Variants in DNASE1L1 observed in about 807,000 individuals in gnomAD.
The protein encoded by DNASE1L1 is deoxyribonuclease-1-like 1.
In DNASE1L1, 8 loss-of-function variants were observed where a neutral mutation model predicts 18.6. That is an observed-to-expected ratio of 0.43 (90% CI 0.25 to 0.78). The LOEUF is 0.78. Ranked by LOEUF, DNASE1L1 falls within the 30% of genes least tolerant of loss-of-function variation. DNASE1L1 has a pLI of 0.23. For missense variants in DNASE1L1, 214 were observed against 258.2 expected, an observed-to-expected ratio of 0.83 and a Z score of 1.17; for synonymous variants, 114 against 114.2, an observed-to-expected ratio of 1.00 and a Z score of 0.01.
rs1229733979 is a variant in DNASE1L1, at chrX:154,401,951, A to C, written c.*756T>G. ...GGAGGATGGAAGGGAGGGGTCCGGC[A>C]TGCTGCTGGCATTTTGCTGTGTCCT... On this transcript the variant is annotated 3_prime_UTR_variant, in exon 8 of 8. Transcript: ENST00000369807. The C allele has an allele frequency of 9.0e-6, 1 of 111,612 alleles. No individual in the cohort carries two copies. Among genetic ancestry groups the C allele is most frequent in the Non-Finnish European group, 1.9e-5 (1 of 53,141 alleles). The allele number at this position is 111,612 out of a possible 1,213,427, so 9.2% of individuals were successfully genotyped here.
chrX:154,403,290 G>T lies in DNASE1L1; in HGVS notation c.504C>A (p.Val168=). 8.3e-7 allele frequency: 1 copy of T among 1,211,298 alleles called. No homozygotes were observed. Among genetic ancestry groups the T allele is most frequent in the Non-Finnish European group, 1.1e-6 (1 of 895,094 alleles). ...LNALYDVFLE[V]SQHWQSKDVI... is the part of the protein sequence containing the mutation. The stretch of plus-strand genomic sequence containing the variant: ...CTACCTTGCTCTGCCAGTGCTGGGA[G>T]ACCTCCAGAAACACATCGTAGAGGG... Residue 168 remains valine, a synonymous_variant, in exon 6 of 8, where the codon GTC becomes GTA. Transcript: ENST00000369807.
At chrX:154,405,371 C>T in intron 2 of DNASE1L1, 63 bp downstream of exon 2, 1 of 1,140,619 alleles carries the variant, frequency 8.8e-7, no homozygotes, top group East Asian at 3.1e-5. Context: ...CCTGGTCAGG[C>T]AGGGATGGGG....
chrX:154,410,958 T>C (rs1166859436), upstream of DNASE1L1, among the ~76,000 whole-genome samples: 1 of 112,207 alleles, frequency 8.9e-6, no homozygotes, highest in African/African-American at 3.2e-5. Flanking sequence ...TTCCGGGTCA[T>C]GAATATGTTT....
upstream of DNASE1L1, chrX:154,411,595 C>A (rs1292111690): frequency 1.2e-5 from 5 of 431,718 alleles, no homozygotes; most frequent in Admixed American, 1.5e-4. Context: ...CGTTTCCTCC[C>A]GTTCCGCAGC....
upstream of DNASE1L1, among the ~76,000 whole-genome samples, chrX:154,410,714 CAA>C (rs782211946): frequency 3.6e-5 from 3 of 84,169 alleles, no homozygotes. Flanking sequence ...TACTAAAATA[CAA>C]AAAAAAAAAA....
chrX:154,410,220 G>A (rs901159278), upstream of DNASE1L1, among the ~76,000 whole-genome samples: 1 of 109,251 alleles, frequency 9.2e-6, no homozygotes, highest in Non-Finnish European at 1.9e-5. Flanking sequence ...ACTCCAGCCC[G>A]GGCGACAGTG....
chrX:154,412,061 C>T (rs1270472029), upstream of DNASE1L1: 6 of 1,207,355 alleles, frequency 5.0e-6, no homozygotes, highest in African/African-American at 5.2e-5. Context: ...GAGCCCGGAG[C>T]GCCTGACTTC....
chrX:154,402,040 TTC>T lies in DNASE1L1; in HGVS notation c.*665_*666del, dbSNP rs1246545515. ...TTAGCTTACATAACTGGTGCAGATT[TTC>T]TGTGTGGAGATGTTGCCTTGACCAG... On this transcript the variant is annotated 3_prime_UTR_variant, in exon 8 of 8. Coordinates refer to ENST00000369807, the MANE Select transcript of DNASE1L1 (RefSeq NM_001303620.2). The T allele has an allele frequency of 8.9e-6, 1 of 112,171 alleles. No homozygotes were observed. The highest frequency in any genetic ancestry group is 1.9e-5 in the Non-Finnish European group (1 of 53,230). 9.2% of individuals were successfully genotyped at this position (112,171 alleles called of 1,213,427 possible).
chrX:154,404,147 C>CTTTTTTT (rs35330789), intron 4 of DNASE1L1, among the ~76,000 whole-genome samples: 15 of 65,312 alleles, frequency 2.3e-4, no homozygotes, highest in African/African-American at 7.4e-4. Flanking sequence ...TGATGTCATT[C>CTTTTTTT]TTTTTTTTTT....
chrX:154,403,542 T>C lies in DNASE1L1; in HGVS notation c.392A>G (p.Gln131Arg). 8.3e-7 allele frequency: 1 copy of C among 1,211,787 alleles called. No homozygotes were observed. Among genetic ancestry groups the C allele is most frequent in the Non-Finnish European group, 1.1e-6 (1 of 895,240 alleles). ...CCTACCATTGCTGGGCAAAGAGAAC[T>C]GGGCCACAAATGGCTCCCGGGCAAA... ...DVFAREPFVA[Q>R]FSLPSNVLPS... Residue 131 changes from glutamine to arginine, a missense_variant, in exon 5 of 8, where the codon CAG (glutamine) becomes CGG (arginine). By Grantham distance (43) the Gln-to-Arg change is conservative. Coordinates refer to ENST00000369807, the MANE Select transcript of DNASE1L1 (RefSeq NM_001303620.2).
chrX:154,403,910 C>T (rs1452530235), intron 4 of DNASE1L1, among the ~76,000 whole-genome samples: 1 of 111,562 alleles, frequency 9.0e-6, no homozygotes, highest in Non-Finnish European at 1.9e-5. Flanking sequence ...AACATAACAT[C>T]CATTACCAGT....
chrX:154,411,518 G>A (rs906251719), upstream of DNASE1L1: 6 of 304,958 alleles, frequency 2.0e-5, no homozygotes, highest in Admixed American at 8.5e-5. Flanking sequence ...AGTCGGTCGG[G>A]CTGGGCACCG....
At chrX:154,411,885 G>C, upstream of DNASE1L1, 2 of 1,206,231 alleles carry the variant, frequency 1.7e-6, no homozygotes, top group Non-Finnish European at 2.2e-6. Flanking sequence ...CGGTGCCGCC[G>C]CTCACCTGGA....
At chrX:154,406,664 CTTTTT>C (rs782761679) in intron 1 of DNASE1L1, among the ~76,000 whole-genome samples, 3 of 86,145 alleles carry the variant, frequency 3.5e-5, no homozygotes, top group Admixed American at 1.4e-4. Context: ...CCACCGTGTC[CTTTTT>C]TTTTTTTTTT....
Position 154,409,241 on chromosome X carries a change from C to T in DNASE1L1, c.-217G>A, listed in dbSNP as rs1557189220. ...AGGAAGAGGCTGTGTTCCTGAGCCACCCGGCCAGGAAGGGCCTGGCTGGGC... is the reference window on the plus strand; with the variant it reads ...AGGAAGAGGCTGTGTTCCTGAGCCATCCGGCCAGGAAGGGCCTGGCTGGGC... On this transcript the variant is annotated 5_prime_UTR_variant, in exon 1 of 8. In the 5' UTR this introduces an upstream ATG that the reference lacks. Coordinates refer to ENST00000369807, the MANE Select transcript of DNASE1L1 (RefSeq NM_001303620.2). 1.0e-5 allele frequency: 3 copies of T among 287,199 alleles called. No homozygotes were observed. Among genetic ancestry groups the T allele is most frequent in the African/African-American group, 8.2e-5 (3 of 36,556 alleles). 23.7% of individuals were successfully genotyped at this position (287,199 alleles called of 1,213,427 possible).
rs1230213805 is a variant in DNASE1L1 at position 154,401,450 on chromosome X, TCAC to T, written c.*1254_*1256del. 8.9e-5 allele frequency: 12 copies of T among 134,126 alleles called. No homozygotes were observed. The highest frequency in any genetic ancestry group is 1.1e-4 in the Non-Finnish European group (7 of 66,220). The allele number at this position is 134,126 out of a possible 1,213,427, so 11.1% of individuals were successfully genotyped here. On this transcript the variant is annotated 3_prime_UTR_variant, in exon 8 of 8. Coordinates refer to ENST00000369807, the MANE Select transcript of DNASE1L1 (RefSeq NM_001303620.2). ...TCTAGAACCTGCATTCCCAGGGCCT[TCAC>T]CACCTGACCAAAGGTCTAGGCTAAC...
Position 154,403,188 on chromosome X carries a change from G to C in DNASE1L1, c.528C>G (p.Asp176Glu). 8 of 1,210,734 alleles carry C rather than the reference G, an allele frequency of 6.6e-6. No individual in the cohort carries two copies. The highest frequency in any genetic ancestry group is 8.9e-6 in the Non-Finnish European group (8 of 894,729). ...LEVSQHWQSK[D>E]VILLGDFNAD... is the part of the protein sequence containing the mutation. ...CATTGAAGTCCCCAAGCAGGATCACGTCCTAGAGACACAGCAGCCATCAGG... is the reference window on the plus strand; with the variant it reads ...CATTGAAGTCCCCAAGCAGGATCACCTCCTAGAGACACAGCAGCCATCAGG... Residue 176 changes from aspartate (D) to glutamate (E), a missense_variant and splice_region_variant, in exon 7 of 8, where the codon GAC becomes GAG. Physicochemically the swap from Asp to Glu is conservative, Grantham distance 45. Transcript: ENST00000369807.
At chrX:154,403,422 A>G in intron 5 of DNASE1L1, 41 bp from the exon 6 acceptor site, 1 of 1,201,562 alleles carries the variant, frequency 8.3e-7, no homozygotes, top group Non-Finnish European at 1.1e-6. Flanking sequence ...CCACTCCTGG[A>G]CCTTCTCCCC....
chrX:154,410,312 G>A (rs1207233167), upstream of DNASE1L1, among the ~76,000 whole-genome samples: 1 of 111,106 alleles, frequency 9.0e-6, no homozygotes, highest in African/African-American at 3.3e-5. Context: ...CTCACACTTT[G>A]GGAGGAGAGG....
Sources: allele counts gnomAD v4.1 joint callset (sites outside exome capture counted in the v4.1 genomes callset), GRCh38; gene constraint gnomAD v4.1.1; transcripts MANE v1.5; gene names NCBI Gene and HGNC (gene_info 2026-07-23, HGNC 2026-07-21).